The following ARMH4 variants were observed in gnomAD, a reference collection of about 807,000 sequenced individuals.
ARMH4 encodes armadillo-like helical domain-containing protein 4.
In ARMH4, 49 loss-of-function variants were observed where a neutral mutation model predicts 61.9. The ratio of observed to expected loss-of-function variants is 0.79; its 90% confidence interval spans 0.63 to 1.00. The LOEUF is 1.00. Among genes scored for constraint, ARMH4 ranks in the 50% least tolerant of loss-of-function variants. The pLI, the probability that ARMH4 is intolerant of heterozygous loss-of-function variation, is 0.00. For synonymous variants in ARMH4, 368 were observed against 341.5 expected, an observed-to-expected ratio of 1.08 and a Z score of -0.85; for missense variants, 934 against 930.0, an observed-to-expected ratio of 1.00 and a Z score of -0.06.
intron 5 of ARMH4, among the ~76,000 whole-genome samples, chr14:58,031,662 A>C (rs72714779): frequency 2.6e-5 from 4 of 152,190 alleles, no homozygotes; most frequent in Non-Finnish European, 5.9e-5. Flanking sequence ...CTCAACTCTA[A>C]GAAAAAGGCT....
chr14:58,045,611 T>TAAA (rs35233829), intron 5 of ARMH4, among the ~76,000 whole-genome samples: 4 of 133,854 alleles, frequency 3.0e-5, no homozygotes, highest in South Asian at 2.4e-4. Context: ...TAAAGTATAA[T>TAAA]AAAAAAAAAA....
At chr14:58,028,712 C>T (rs1310659785) in intron 5 of ARMH4, among the ~76,000 whole-genome samples, 1 of 152,164 alleles carries the variant, frequency 6.6e-6, no homozygotes, top group African/African-American at 2.4e-5. Flanking sequence ...GGCCAGTACT[C>T]AGGCTTCAAG....
intron 4 of ARMH4, among the ~76,000 whole-genome samples, chr14:58,124,539 T>C (rs995682836): frequency 1.3e-4 from 20 of 152,242 alleles, no homozygotes; most frequent in African/African-American, 3.9e-4. Context: ...GACTTGTGGC[T>C]GTCAGACAAC....
chr14:58,040,240 T>A (rs150234678), intron 5 of ARMH4, among the ~76,000 whole-genome samples: 1 of 152,198 alleles, frequency 6.6e-6, no homozygotes. Flanking sequence ...TCACAGGGGT[T>A]TGGTGTACAG....
intron 5 of ARMH4, among the ~76,000 whole-genome samples, chr14:58,031,869 C>CA (rs138544881): frequency 0.031 from 4,787 of 152,274 alleles, 94 homozygotes; most frequent in Middle Eastern, 0.075. Flanking sequence ...AGGGTGTCTC[C>CA]AGTTTCTTTC....
chr14:58,054,869 CA>C (rs72336341), intron 5 of ARMH4, among the ~76,000 whole-genome samples: 2,519 of 104,048 alleles, frequency 0.024, 70 homozygotes, highest in African/African-American at 0.08. Flanking sequence ...GACTCTGTCT[CA>C]AAAAAAAAAA....
intron 5 of ARMH4, among the ~76,000 whole-genome samples, chr14:58,044,831 C>A (rs149886897): frequency 6.6e-6 from 1 of 152,158 alleles, no homozygotes; most frequent in Non-Finnish European, 1.5e-5. Flanking sequence ...CAAAAGAAGA[C>A]ATTTATACAG....
Position 58,138,585 on chromosome 14 carries a change from C to A in ARMH4, c.774G>T (p.Ser258=), listed in dbSNP as rs377739197. The change falls in exon 2 of 8, where the codon TCG becomes TCT. Residue 258 remains serine (S), a synonymous_variant. Transcript: ENST00000267485. The part of the protein sequence containing the change: ...GSLTPDKEKP[S]QMTADNTQAA... ...CCTGGGTGTTATCAGCTGTCATCTG[C>A]GAAGGCTTCTCCTTATCAGGGGTGA... 1 of 1,614,182 alleles carries A rather than the reference C, an allele frequency of 6.2e-7. No homozygotes were observed. The highest frequency in any genetic ancestry group is 8.5e-7 in the Non-Finnish European group (1 of 1,180,028).
At chr14:58,140,417 A>G (rs1566601668) in intron 1 of ARMH4, among the ~76,000 whole-genome samples, 2 of 147,236 alleles carry the variant, frequency 1.4e-5, no homozygotes, top group Non-Finnish European at 3.0e-5. Flanking sequence ...CCCATCTCTG[A>G]TAAAAATACA....
At chr14:58,058,916 C>G (rs1884437282) in intron 5 of ARMH4, among the ~76,000 whole-genome samples, 1 of 152,220 alleles carries the variant, frequency 6.6e-6, no homozygotes, top group Non-Finnish European at 1.5e-5. Context: ...CATTGTTTTT[C>G]ATTGCAGACT....
chr14:58,111,994 C>G (rs1413090072), intron 4 of ARMH4, among the ~76,000 whole-genome samples: 1 of 152,142 alleles, frequency 6.6e-6, no homozygotes. Flanking sequence ...CCTCCCAGCC[C>G]TCTTTCTCTT....
chr14:58,069,116 C>T (rs1032763066), intron 5 of ARMH4, among the ~76,000 whole-genome samples: 6 of 152,112 alleles, frequency 3.9e-5, no homozygotes, highest in African/African-American at 1.4e-4. Flanking sequence ...CTGAAGATAT[C>T]AAAGACTTAC....
chr14:58,060,037 T>A (rs1266851307), intron 5 of ARMH4, among the ~76,000 whole-genome samples: 2 of 152,194 alleles, frequency 1.3e-5, no homozygotes, highest in South Asian at 2.1e-4. Flanking sequence ...AAAACCACCC[T>A]AGAACCTGCA....
intron 2 of ARMH4, among the ~76,000 whole-genome samples, chr14:58,133,991 A>G (rs1289090270): frequency 6.6e-6 from 1 of 152,242 alleles, no homozygotes; most frequent in Non-Finnish European, 1.5e-5. Context: ...CTGTGTAAGC[A>G]TAAACAAATT....
chr14:58,045,408 A>T (rs1032441946), intron 5 of ARMH4, among the ~76,000 whole-genome samples: 2 of 152,212 alleles, frequency 1.3e-5, no homozygotes, highest in Non-Finnish European at 2.9e-5. Flanking sequence ...TGGGAATTGA[A>T]CAATGAGAAC....
At chr14:58,043,514 A>C (rs921063993) in intron 5 of ARMH4, among the ~76,000 whole-genome samples, 3 of 152,200 alleles carry the variant, frequency 2.0e-5, no homozygotes, top group Admixed American at 1.3e-4. Flanking sequence ...AATGGGCAAA[A>C]ACTGGAAGCA....
intron 5 of ARMH4, among the ~76,000 whole-genome samples, chr14:58,076,780 A>T (rs1885061718): frequency 6.6e-6 from 1 of 152,194 alleles, no homozygotes; most frequent in African/African-American, 2.4e-5. Context: ...AGCAGACCTG[A>T]CAAAGGGGAA....
intron 5 of ARMH4, among the ~76,000 whole-genome samples, chr14:58,026,722 C>T (rs1293712836): frequency 6.6e-6 from 1 of 152,142 alleles, no homozygotes; most frequent in Admixed American, 6.6e-5. Context: ...AGTCCCTCCT[C>T]ATTCTCAATT....
intron 5 of ARMH4, among the ~76,000 whole-genome samples, chr14:58,021,929 G>A (rs11851884): frequency 0.025 from 3,824 of 152,222 alleles, 175 homozygotes; most frequent in African/African-American, 0.085. Flanking sequence ...ACCAAGGAGG[G>A]CTGCAAGTAT....
Sources: allele counts gnomAD v4.1 joint callset (sites outside exome capture counted in the v4.1 genomes callset), GRCh38; gene constraint gnomAD v4.1.1; transcripts MANE v1.5; gene names NCBI Gene and HGNC (gene_info 2026-07-23, HGNC 2026-07-21).